Variants in RPSA2 observed in about 807,000 individuals in gnomAD.
The protein encoded by RPSA2 is ribosomal protein SA 2.
chr19:23,864,304 C>T, the RPSA2 span, among the ~76,000 whole-genome samples: 13 of 152,184 alleles, frequency 8.5e-5, no homozygotes, highest in Admixed American at 3.3e-4. Flanking sequence ...AAATTTCAAA[C>T]ATGTATTTCT....
At chr19:23,761,921 T>TCTCTCTCTCTCTCTCGCTCTCTCTCTCTC in the RPSA2 span, among the ~76,000 whole-genome samples, 14 of 76,196 alleles carry the variant, frequency 1.8e-4, 2 homozygotes, top group Admixed American at 6.5e-4. Flanking sequence ...TCTTTCTTTC[T>TCTCTCTCTCTCTCTCGCTCTCTCTCTCTC]TTTTTTTTTT....
the RPSA2 span, among the ~76,000 whole-genome samples, chr19:23,867,167 G>T: frequency 8.5e-5 from 13 of 152,100 alleles, no homozygotes; most frequent in Admixed American, 3.3e-4. Context: ...AAATGTATGG[G>T]CTTATGGACA....
the RPSA2 span, among the ~76,000 whole-genome samples, chr19:23,766,416 G>C: frequency 6.6e-6 from 1 of 150,656 alleles, no homozygotes; most frequent in Admixed American, 6.7e-5. Flanking sequence ...AAATGAACAA[G>C]TGTGTAAACA....
the RPSA2 span, among the ~76,000 whole-genome samples, chr19:23,816,777 C>T: frequency 6.6e-6 from 1 of 152,162 alleles, no homozygotes; most frequent in Non-Finnish European, 1.5e-5. Flanking sequence ...GCATGTCTCA[C>T]ATGGTGGCAG....
chr19:23,768,718 G>A, the RPSA2 span, among the ~76,000 whole-genome samples: 1 of 148,026 alleles, frequency 6.8e-6, no homozygotes, highest in Non-Finnish European at 1.5e-5. Flanking sequence ...CTCCCTAGTA[G>A]CTGGGATTAC....
the RPSA2 span, among the ~76,000 whole-genome samples, chr19:23,796,543 C>A: frequency 6.6e-6 from 1 of 151,770 alleles, no homozygotes; most frequent in Non-Finnish European, 1.5e-5. Flanking sequence ...ATAATACCAG[C>A]ACTTTTTTGT....
the RPSA2 span, chr19:23,832,184 C>T: frequency 2.4e-6 from 1 of 424,098 alleles, no homozygotes; most frequent in Non-Finnish European, 4.7e-6. Flanking sequence ...TCAACCCTAA[C>T]TAGATATAAG....
the RPSA2 span, among the ~76,000 whole-genome samples, chr19:23,811,516 C>CT: frequency 1.7e-4 from 25 of 150,874 alleles, no homozygotes; most frequent in African/African-American, 6.1e-4. Flanking sequence ...AATAGGATGC[C>CT]TTTTTTTTTT....
the RPSA2 span, among the ~76,000 whole-genome samples, chr19:23,833,837 A>G: frequency 1.3e-5 from 2 of 152,106 alleles, no homozygotes; most frequent in Admixed American, 1.3e-4. Context: ...CTTTACTTGT[A>G]TCAGAAATCT....
chr19:23,775,991 A>G, the RPSA2 span, among the ~76,000 whole-genome samples: 3 of 152,188 alleles, frequency 2.0e-5, no homozygotes, highest in Non-Finnish European at 4.4e-5. Flanking sequence ...CCCAGCCTAC[A>G]AATAGGATTG....
At chr19:23,853,826 G>A in the RPSA2 span, among the ~76,000 whole-genome samples, 4 of 152,180 alleles carry the variant, frequency 2.6e-5, no homozygotes, top group Admixed American at 6.5e-5. Context: ...CAAGATAAAT[G>A]TTCTCTGGGG....
the RPSA2 span, among the ~76,000 whole-genome samples, chr19:23,870,828 A>G: frequency 6.6e-6 from 1 of 152,202 alleles, no homozygotes; most frequent in African/African-American, 2.4e-5. Context: ...GAGGATTGTG[A>G]CCAACACAGC....
At chr19:23,801,363 C>T in the RPSA2 span, among the ~76,000 whole-genome samples, 1 of 152,026 alleles carries the variant, frequency 6.6e-6, no homozygotes, top group Non-Finnish European at 1.5e-5. Context: ...CTCAGCCTCC[C>T]GAGTAGCTTG....
At chr19:23,784,966 C>G in the RPSA2 span, among the ~76,000 whole-genome samples, 1 of 152,216 alleles carries the variant, frequency 6.6e-6, no homozygotes, top group East Asian at 1.9e-4. Flanking sequence ...ACTCCCATAT[C>G]TAGAACGTGG....
chr19:23,811,752 T>C, the RPSA2 span, among the ~76,000 whole-genome samples: 1 of 152,154 alleles, frequency 6.6e-6, no homozygotes, highest in South Asian at 2.1e-4. Context: ...TTCCCAAATA[T>C]TTGTTTTATA....
At chr19:23,762,658 G>T in the RPSA2 span, among the ~76,000 whole-genome samples, 9 of 140,466 alleles carry the variant, frequency 6.4e-5, no homozygotes, top group Non-Finnish European at 1.4e-4. Flanking sequence ...CCAGGGCAAT[G>T]AGGCGGAAAC....
chr19:23,789,936 G>A, the RPSA2 span, among the ~76,000 whole-genome samples: 14 of 152,092 alleles, frequency 9.2e-5, no homozygotes, highest in Admixed American at 7.9e-4. Flanking sequence ...CCTCAGGCTT[G>A]GAAAGTGCTG....
the RPSA2 span, among the ~76,000 whole-genome samples, chr19:23,816,827 A>G: frequency 7.5e-4 from 114 of 152,278 alleles, no homozygotes; most frequent in South Asian, 1.2e-3. Flanking sequence ...TTATAAAGCC[A>G]TCAGATTTCA....
chr19:23,859,737 G>T, the RPSA2 span, among the ~76,000 whole-genome samples: 2 of 152,014 alleles, frequency 1.3e-5, no homozygotes, highest in African/African-American at 2.4e-5. Context: ...TACAGTAATC[G>T]TTTGTCCAAA....
Sources: allele counts gnomAD v4.1 joint callset (sites outside exome capture counted in the v4.1 genomes callset), GRCh38; gene constraint gnomAD v4.1.1; transcripts MANE v1.5; gene names NCBI Gene and HGNC (gene_info 2026-07-23, HGNC 2026-07-21).